Variants in MEGF6 observed in about 807,000 individuals in gnomAD.
The protein encoded by MEGF6 is multiple EGF like domains 6.
Under a neutral mutation model 207.1 loss-of-function variants are expected in MEGF6, and 184 were observed. The observed-to-expected ratio is 0.89, with a 90% CI of 0.79 to 1.00. The LOEUF (loss-of-function observed/expected upper bound fraction) is 1.00. MEGF6 is among the 50% of genes least tolerant of loss of function. The pLI is 0.00. For missense variants in MEGF6, 2,282 were observed against 2,202.9 expected (o/e 1.04, Z -0.72); for synonymous variants, 1,038 against 910.0 (o/e 1.14, Z -2.53).
intron 28 of MEGF6, 92 bp downstream of exon 28, chr1:3,496,896 C>T (rs1047467794): frequency 2.6e-6 from 4 of 1,523,270 alleles, no homozygotes; most frequent in Non-Finnish European, 3.5e-6. Context: ...TCCACCCCCT[C>T]AGATGAGGGC....
intron 9 of MEGF6, among the ~76,000 whole-genome samples, 198 bp from the exon 10 acceptor site, chr1:3,511,100 C>T (rs1439944629): frequency 6.6e-6 from 1 of 152,258 alleles, no homozygotes; most frequent in Non-Finnish European, 1.5e-5. Context: ...CGCCCACGCA[C>T]ATGCACGTTC....
At position 3,499,911 on chromosome 1, in the gene MEGF6, G is replaced by T; in HGVS notation, c.2721C>A (p.Gly907=). The T allele has an allele frequency of 6.4e-7, 1 of 1,562,722 alleles. No homozygotes were observed. Among genetic ancestry groups the T allele is most frequent in the Admixed American group, 1.9e-5 (1 of 53,636 alleles). Residue 907 remains glycine (G), a synonymous_variant, in exon 22 of 37, where the codon GGC becomes GGA. Coordinates refer to ENST00000356575, the MANE Select transcript of MEGF6 (RefSeq NM_001409.4). ...GCTGCTCACAGCCGGGCCCAAAGTG[G>T]CCCTGGGGACACTCTGAGATATGCA... ...GPRCEQQCPQ[G]HFGPGCEQRC...
At chr1:3,595,921 G>A (rs1313997627) in intron 2 of MEGF6, among the ~76,000 whole-genome samples, 1 of 152,176 alleles carries the variant, frequency 6.6e-6, no homozygotes, top group Admixed American at 6.5e-5. Flanking sequence ...GCTGTGCCAG[G>A]CAGGGGAGGT....
intron 5 of MEGF6, among the ~76,000 whole-genome samples, chr1:3,521,048 C>A (rs898315654): frequency 6.6e-6 from 1 of 152,152 alleles, no homozygotes; most frequent in African/African-American, 2.4e-5. Context: ...AGTCTAACCG[C>A]AGAGCCTCAA....
chr1:3,548,873 AC>A (rs562309912), intron 4 of MEGF6, among the ~76,000 whole-genome samples: 6 of 151,346 alleles, frequency 4.0e-5, no homozygotes, highest in Admixed American at 6.6e-5. Flanking sequence ...GCCTTCAGGG[AC>A]CCCCCCACAC....
rs1641344202 is a variant in MEGF6, at chr1:3,511,553, T to C, written c.1111A>G (p.Ile371Val). Reference sequence around the variant, plus strand: ...TCTGGGAGGAGCCAGTGCGCACCGATGCAGGTCCTCTGATCTGTGTCCAGC... The same window carrying C: ...TCTGGGAGGAGCCAGTGCGCACCGACGCAGGTCCTCTGATCTGTGTCCAGC... ...YELDTDQRTCIDVDDCADSPC... is the reference protein window; with the variant it reads ...YELDTDQRTCVDVDDCADSPC... The change falls in exon 9 of 37, where the codon ATC becomes GTC. Residue 371 changes from isoleucine (I) to valine (V), a missense_variant. By Grantham distance (29) the Ile-to-Val change is conservative. Transcript: ENST00000356575. 1 of 1,605,348 alleles carries C rather than the reference T, an allele frequency of 6.2e-7. No homozygotes were observed. Among genetic ancestry groups the C allele is most frequent in the Non-Finnish European group, 8.5e-7 (1 of 1,174,260 alleles).
At position 3,595,338 on chromosome 1, in the gene MEGF6, C is replaced by T; in HGVS notation, c.376G>A (p.Ala126Thr). ...GCGGGGAGGCGCAGGCGGCACTCAC[C>T]CGAGAGGCAGCCCTCCTCGTCGGGC... ...QQPDEEGCLS[A>T]ECSASLCFHG... Residue 126 changes from alanine (A) to threonine (T), a missense_variant and splice_region_variant, in exon 3 of 37, where the codon GCT becomes ACT. By Grantham distance (58) the Ala-to-Thr change is moderately conservative. Transcript: ENST00000356575. The T allele has an allele frequency of 1.2e-6, 2 of 1,610,610 alleles. No homozygotes were observed. Among genetic ancestry groups the T allele is most frequent in the Non-Finnish European group, 8.5e-7 (1 of 1,178,244 alleles).
chr1:3,593,476 G>A (rs570331112), intron 3 of MEGF6, among the ~76,000 whole-genome samples: 1 of 12,368 alleles, frequency 8.1e-5, no homozygotes, highest in Admixed American at 7.6e-4. Flanking sequence ...CCCCACCCCC[G>A]CCCCAGCCAT....
chr1:3,511,644 G>A lies in MEGF6; in HGVS notation c.1020C>T (p.Gly340=), dbSNP rs376234910. 7.7e-5 allele frequency: 124 copies of A among 1,612,038 alleles called. 1 individual carries two copies. Among genetic ancestry groups the A allele is most frequent in the South Asian group, 1.4e-4 (13 of 91,068 alleles). The change falls in exon 9 of 37, where the codon GGC becomes GGT. Residue 340 remains glycine, a synonymous_variant. Transcript: ENST00000356575. ...TGTGGCTGCAGCCATGGGAGCAGCC[G>A]CCGTTGTTGGCCTCACAGCTGTTCA... ...EIVNSCEANN[G]GCSHGCSHTS...
intron 4 of MEGF6, among the ~76,000 whole-genome samples, chr1:3,529,204 A>T (rs1296955257): frequency 6.6e-6 from 1 of 152,152 alleles, no homozygotes; most frequent in Non-Finnish European, 1.5e-5. Context: ...CTGTAGTGGG[A>T]CCAGGGCCCC....
rs375173956 is a variant in MEGF6, at chr1:3,603,736, G to A, written c.132-1136C>T. ...TTGTCCAGGCTCGGTACCGCCCTCC[G>A]CCCAGGCCTTGCCAGGAGCTCCTAA... is the stretch of plus-strand genomic sequence containing the variant. On this transcript the variant is annotated intron_variant, in intron 1 of 36. Transcript: ENST00000356575. Among the ~76,000 whole-genome samples, 16 of 152,010 alleles carry A rather than the reference G, an allele frequency of 1.1e-4. No homozygotes were observed. In the East Asian group the frequency reaches 1.9e-3, roughly 18 times the overall value.
At chr1:3,531,384 C>G (rs1642164632) in intron 4 of MEGF6, 11 of 1,165,538 alleles carry the variant, frequency 9.4e-6, no homozygotes, top group Non-Finnish European at 1.2e-5. Flanking sequence ...GGGATCCGCT[C>G]CGCTCGGCGC....
intron 5 of MEGF6, among the ~76,000 whole-genome samples, chr1:3,521,609 G>GGTGGCCCCCAGGGGACT (rs1641749673): frequency 6.6e-6 from 1 of 152,194 alleles, no homozygotes; most frequent in South Asian, 2.1e-4. Context: ...TTGCCTGGGA[G>GGTGGCCCCCAGGGGACT]GTGGCCCCCA....
intron 1 of MEGF6, among the ~76,000 whole-genome samples, chr1:3,604,821 T>C (rs1644218444): frequency 6.6e-6 from 1 of 152,042 alleles, no homozygotes; most frequent in South Asian, 2.1e-4. Flanking sequence ...AGAGTGAGAA[T>C]AGGGGAGGGG....
intron 32 of MEGF6, 121 bp from the exon 33 acceptor site, chr1:3,494,245 G>C: frequency 2.0e-6 from 3 of 1,466,026 alleles, no homozygotes; most frequent in Non-Finnish European, 2.7e-6. Flanking sequence ...GCCCGTCCTC[G>C]TCCCTCCCCA....
intron 12 of MEGF6, 112 bp from the exon 13 acceptor site, chr1:3,508,801 C>T: frequency 7.4e-7 from 1 of 1,345,498 alleles, no homozygotes; most frequent in Admixed American, 2.3e-5. Flanking sequence ...GCATCCTCGG[C>T]CCATGAGGGC....
rs184713815 is a variant in MEGF6, at chr1:3,589,777, G to T, written c.376+5561C>A. The stretch of plus-strand genomic sequence containing the variant: ...TCGGCCCCGTTCAACACATTTTAGG[G>T]CACTGTTTTATCTCTGTGACTTTGT... On this transcript the variant is annotated intron_variant, in intron 3 of 36. Transcript: ENST00000356575. Among the ~76,000 whole-genome samples, 183 of 152,306 alleles carry T rather than the reference G, an allele frequency of 1.2e-3. 1 individual carries two copies. The highest frequency in any genetic ancestry group is 4.2e-3 in the African/African-American group (174 of 41,570).
At chr1:3,495,790 G>A (rs1278929038) in intron 30 of MEGF6, 100 bp downstream of exon 30, 18 of 1,424,522 alleles carry the variant, frequency 1.3e-5, no homozygotes, top group East Asian at 5.1e-5. Flanking sequence ...CAGGATGTGC[G>A]GGTGTCTGGG....
At chr1:3,520,721 T>G (rs1323643601) in intron 5 of MEGF6, among the ~76,000 whole-genome samples, 1 of 152,160 alleles carries the variant, frequency 6.6e-6, no homozygotes, top group Non-Finnish European at 1.5e-5. Context: ...TCTTGTAGAT[T>G]CTCGCTTTTG....
Sources: allele counts gnomAD v4.1 joint callset (sites outside exome capture counted in the v4.1 genomes callset), GRCh38; gene constraint gnomAD v4.1.1; transcripts MANE v1.5; gene names NCBI Gene and HGNC (gene_info 2026-07-23, HGNC 2026-07-21).